Variants in PLCG2 observed in about 807,000 individuals in gnomAD.
PLCG2 encodes the protein phospholipase C gamma 2, also known as 1-phosphatidylinositol 4,5-bisphosphate phosphodiesterase gamma-2.
In PLCG2, 69 loss-of-function variants were observed where a neutral mutation model predicts 175.6. The ratio of observed to expected loss-of-function variants is 0.39; its 90% CI spans 0.32 to 0.48. The LOEUF is 0.48. Ranked by LOEUF, PLCG2 falls within the 20% of genes least tolerant of loss-of-function variation. The pLI is 0.91. For missense variants in PLCG2, 1,798 were observed against 1,650.9 expected, an observed-to-expected ratio of 1.09 and a Z score of -1.54; for synonymous variants, 827 against 624.0, an observed-to-expected ratio of 1.33 and a Z score of -4.85.
chr16:81,907,526 T>G (rs1909427319), intron 15 of PLCG2, among the ~76,000 whole-genome samples, 159 bp from the exon 16 acceptor site: 2 of 152,160 alleles, frequency 1.3e-5, no homozygotes, highest in Admixed American at 6.5e-5. Flanking sequence ...AGAAATGCCT[T>G]GTAAGGAATT....
chr16:81,871,728 A>T (rs1168525999), intron 7 of PLCG2, among the ~76,000 whole-genome samples: 1 of 152,178 alleles, frequency 6.6e-6, no homozygotes, highest in Non-Finnish European at 1.5e-5. Flanking sequence ...GTATGTTTTG[A>T]TCTGACAGTG....
chr16:81,912,773 C>G (rs1024995199), intron 19 of PLCG2, 57 bp downstream of exon 19: 3 of 1,504,712 alleles, frequency 2.0e-6, no homozygotes, highest in Non-Finnish European at 2.7e-6. Context: ...AGGACAGATG[C>G]GGAGAGACAA....
intron 23 of PLCG2, among the ~76,000 whole-genome samples, chr16:81,927,927 C>T (rs1284477219): frequency 6.6e-6 from 1 of 152,122 alleles, no homozygotes; most frequent in Non-Finnish European, 1.5e-5. Context: ...GCCCTTGCTT[C>T]CTCTGTACTG....
Position 81,891,305 on chromosome 16 carries a change from G to C in PLCG2, c.868-167G>C, listed in dbSNP as rs551824696. Among the ~76,000 whole-genome samples the C allele has an allele frequency of 9.1e-4, 138 of 152,296 alleles. 1 individual carries two copies. Among genetic ancestry groups the C allele is most frequent in the African/African-American group, 3.1e-3 (130 of 41,570 alleles). On this transcript the variant is annotated intron_variant, in intron 10 of 32. Transcript: ENST00000564138. ...AAATATGTCGCTGCAGCCCATTGCA[G>C]CCTGAGCCTTCGGTATTGAAAACGT...
intron 9 of PLCG2, among the ~76,000 whole-genome samples, chr16:81,888,105 T>C (rs1388889720): frequency 6.6e-6 from 1 of 152,242 alleles, no homozygotes; most frequent in Admixed American, 6.5e-5. Context: ...TGTTTCCTTT[T>C]CTGTAAAATG....
intron 21 of PLCG2, among the ~76,000 whole-genome samples, chr16:81,922,453 G>A (rs1020148008): frequency 6.6e-6 from 1 of 152,218 alleles, no homozygotes; most frequent in Non-Finnish European, 1.5e-5. Context: ...CGATACTATA[G>A]TTAGCACTTA....
chr16:81,912,533 CG>C, intron 18 of PLCG2, 63 bp from the exon 19 acceptor site: 2 of 1,584,068 alleles, frequency 1.3e-6, no homozygotes, highest in Non-Finnish European at 1.7e-6. Flanking sequence ...TTGTCCTCTG[CG>C]GGTGGCCCAC....
At chr16:81,792,545 C>T (rs1471263281) in intron 2 of PLCG2, among the ~76,000 whole-genome samples, 1 of 144,460 alleles carries the variant, frequency 6.9e-6, no homozygotes, top group Non-Finnish European at 1.5e-5. Flanking sequence ...AAACAAAACC[C>T]AAGACTGAGT....
intron 2 of PLCG2, among the ~76,000 whole-genome samples, chr16:81,805,539 A>G (rs1007469090): frequency 4.6e-5 from 7 of 151,096 alleles, no homozygotes; most frequent in African/African-American, 1.2e-4. Flanking sequence ...GAAAACAACA[A>G]AAAAAACCAA....
At position 81,849,905 on chromosome 16, in the gene PLCG2, C is replaced by T. The variant is rs1025446684; in HGVS notation, c.194-4539C>T. Among the ~76,000 whole-genome samples, 4 of 151,922 alleles carry T rather than the reference C, an allele frequency of 2.6e-5. No homozygotes were observed. The East Asian group carries it at 7.7e-4, about 29-fold the overall frequency. ...AAGTCACTAGACTTTCACTGGCAGT[C>T]AACTGGGTGGGTGAATAACTAACTT... is the stretch of plus-strand genomic sequence containing the variant. On this transcript the variant is annotated intron_variant, in intron 2 of 32. Transcript: ENST00000564138.
chr16:81,910,238 G>T (rs1293965999), intron 17 of PLCG2, among the ~76,000 whole-genome samples: 2 of 152,114 alleles, frequency 1.3e-5, no homozygotes, highest in Non-Finnish European at 2.9e-5. Context: ...TTACAGGCAT[G>T]CACCACCATG....
chr16:81,844,272 C>T (rs187039268), intron 2 of PLCG2, among the ~76,000 whole-genome samples: 313 of 151,138 alleles, frequency 2.1e-3, no homozygotes, highest in African/African-American at 7.4e-3. Flanking sequence ...GGATTACAGG[C>T]GTGAGCCACC....
At chr16:81,780,804 A>C (rs1465018548) in intron 1 of PLCG2, among the ~76,000 whole-genome samples, 1 of 152,186 alleles carries the variant, frequency 6.6e-6, no homozygotes, top group Non-Finnish European at 1.5e-5. Flanking sequence ...AGCTGGGCTG[A>C]TCACTTGAGG....
intron 2 of PLCG2, among the ~76,000 whole-genome samples, chr16:81,812,207 G>A (rs1171653149): frequency 2.6e-5 from 4 of 151,812 alleles, no homozygotes; most frequent in Admixed American, 6.6e-5. Flanking sequence ...CTGCCACCGC[G>A]CCTGGCTAAT....
chr16:81,790,173 A>C (rs541425362), intron 2 of PLCG2, among the ~76,000 whole-genome samples: 1 of 152,302 alleles, frequency 6.6e-6, no homozygotes, highest in Admixed American at 6.5e-5. Context: ...ATAGTGTGTG[A>C]CAGGCACTCA....
At chr16:81,786,924 C>A (rs1326473602) in intron 2 of PLCG2, among the ~76,000 whole-genome samples, 1 of 152,228 alleles carries the variant, frequency 6.6e-6, no homozygotes, top group Non-Finnish European at 1.5e-5. Flanking sequence ...GAGGCAAGCT[C>A]ATTACCAGTT....
In PLCG2 at chr16:81,867,093, C is replaced by T. The variant is rs1190993511; in HGVS notation, c.480-2121C>T. 2.6e-5 allele frequency among the ~76,000 whole-genome samples: 4 copies of T among 152,330 alleles called. No homozygotes were observed. The East Asian group carries it at 7.7e-4, about 29-fold the overall frequency. On this transcript the variant is annotated intron_variant, in intron 5 of 32. Coordinates refer to ENST00000564138, the MANE Select transcript of PLCG2 (RefSeq NM_002661.5). The stretch of plus-strand genomic sequence containing the variant: ...TTGTCATTTGAAGTCTGTGCTGTTA[C>T]AGAGGCCCTTAGAACCAGAGGAAAG...
At chr16:81,875,790 A>G (rs1224059988) in intron 7 of PLCG2, among the ~76,000 whole-genome samples, 1 of 152,200 alleles carries the variant, frequency 6.6e-6, no homozygotes, top group East Asian at 1.9e-4. Flanking sequence ...GAAGGCTGCT[A>G]ACGTATCTCT....
chr16:81,807,883 A>T (rs946214767), intron 2 of PLCG2, among the ~76,000 whole-genome samples: 1 of 152,092 alleles, frequency 6.6e-6, no homozygotes, highest in African/African-American at 2.4e-5. Flanking sequence ...CAACAGCCAG[A>T]TCTCTCAAGA....
Sources: gnomAD v4.1 joint callset for allele counts (sites outside exome capture counted in the v4.1 genomes callset) on GRCh38, gnomAD v4.1.1 for gene constraint, MANE v1.5 for transcripts, NCBI Gene and HGNC (gene_info 2026-07-23, HGNC 2026-07-21) for gene names.